PPP2R2A: variants seen among roughly 807,000 people sequenced by gnomAD.
The protein encoded by PPP2R2A is serine/threonine-protein phosphatase 2A 55 kDa regulatory subunit B alpha isoform.
PPP2R2A carries 9 observed loss-of-function variants against 53.2 expected under a neutral mutation model. The observed-to-expected ratio is 0.17, with a 90% CI of 0.10 to 0.30. The LOEUF (loss-of-function observed/expected upper bound fraction) is 0.30. PPP2R2A is among the 10% of genes least tolerant of loss of function. The probability of loss-of-function intolerance (pLI) is 1.00; values close to 1 mark genes in which losing one functional copy is unlikely to be tolerated. For synonymous variants in PPP2R2A, 169 were observed against 174.2 expected (o/e 0.97, Z 0.23); for missense variants, 235 against 534.6 (o/e 0.44, Z 5.53).
At chr8:26,366,247 T>C in intron 8 of PPP2R2A, 68 bp from the exon 9 acceptor site, 2 of 1,309,814 alleles carry the variant, frequency 1.5e-6, no homozygotes, top group Admixed American at 2.0e-5. Context: ...TTTTTTTCTT[T>C]TTAAAGATAT....
chr8:26,366,966 GATAAA>G (rs1252781036), intron 9 of PPP2R2A, among the ~76,000 whole-genome samples: 1 of 152,016 alleles, frequency 6.6e-6, no homozygotes, highest in Non-Finnish European at 1.5e-5. Flanking sequence ...ATTATTTAAA[GATAAA>G]ATAAGTCTTA....
intron 3 of PPP2R2A, among the ~76,000 whole-genome samples, chr8:26,345,439 C>G (rs1402603196): frequency 1.3e-5 from 2 of 152,032 alleles, no homozygotes; most frequent in African/African-American, 4.8e-5. Flanking sequence ...ATAACCCCAC[C>G]AAACAAAAAT....
intron 2 of PPP2R2A, among the ~76,000 whole-genome samples, chr8:26,307,851 G>A (rs540629107): frequency 1.1e-4 from 16 of 152,300 alleles, no homozygotes; most frequent in African/African-American, 3.6e-4. Context: ...TCAAAGTCAC[G>A]TAGTTGGAAA....
intron 4 of PPP2R2A, among the ~76,000 whole-genome samples, chr8:26,356,739 G>C (rs974923479): frequency 6.6e-6 from 1 of 151,898 alleles, no homozygotes; most frequent in East Asian, 1.9e-4. Flanking sequence ...TTTCTTATAG[G>C]GCTACATCAG....
rs1263200250 is a variant in PPP2R2A at position 26,371,576 on chromosome 8, TAGC to T, written c.*1166_*1168del. 1.3e-5 allele frequency: 2 copies of T among 152,200 alleles called. No homozygotes were observed. The highest frequency in any genetic ancestry group is 2.4e-5 in the African/African-American group (1 of 41,458). 9.4% of individuals were successfully genotyped at this position (152,200 alleles called of 1,614,324 possible). On this transcript the variant is annotated 3_prime_UTR_variant, in exon 10 of 10. Transcript: ENST00000380737. ...TTTTTTGTTATTCAGTCATATAAAA[TAGC>T]AGAAAACTAACATCAAGTGACACTG...
intron 2 of PPP2R2A, among the ~76,000 whole-genome samples, chr8:26,313,645 G>A (rs563195814): frequency 3.9e-4 from 59 of 152,252 alleles, no homozygotes; most frequent in African/African-American, 1.4e-3. Flanking sequence ...GGTTATCCTG[G>A]TAGGCTGTAA....
In PPP2R2A at chr8:26,370,251, T is replaced by A. The variant is rs1407357448; in HGVS notation, c.1182T>A (p.Pro394=). Residue 394 remains proline, a synonymous_variant, in exon 10 of 10, where the codon CCT becomes CCA. Coordinates refer to ENST00000380737, the MANE Select transcript of PPP2R2A (RefSeq NM_002717.4). This position sits in a 1 kb window ranked among gnomAD's most constrained non-coding sequence, Gnocchi z 6.1. ...ATAAGCCTCGCACAGTTCTGAAGCC[T>A]CGCAAAGTCTGTGCAAGTGGCAAGC... ...ENNKPRTVLK[P]RKVCASGKRK... is the part of the protein sequence containing the mutation. 7 of 1,614,064 alleles carry A rather than the reference T, an allele frequency of 4.3e-6. No individual in the cohort carries two copies. Among genetic ancestry groups the A allele is most frequent in the Admixed American group, 1.7e-5 (1 of 60,002 alleles).
chr8:26,350,744 T>C (rs1804457869), intron 3 of PPP2R2A: 1 of 152,224 alleles, frequency 6.6e-6, no homozygotes, highest in Admixed American at 6.5e-5. Flanking sequence ...TTGGATGTTA[T>C]CTTTTGGAAG....
intron 2 of PPP2R2A, among the ~76,000 whole-genome samples, chr8:26,322,782 C>T (rs569883267): frequency 2.6e-5 from 4 of 152,268 alleles, no homozygotes; most frequent in East Asian, 3.9e-4. Context: ...AACTTCAGAC[C>T]GTCAGAACGG....
At chr8:26,347,247 G>A (rs1804266972) in intron 3 of PPP2R2A, among the ~76,000 whole-genome samples, 1 of 151,684 alleles carries the variant, frequency 6.6e-6, no homozygotes, top group African/African-American at 2.4e-5. Flanking sequence ...AACTCCTTAA[G>A]GGTCCAGGTT....
chr8:26,315,096 T>G (rs1275777861), intron 2 of PPP2R2A, among the ~76,000 whole-genome samples: 1 of 152,124 alleles, frequency 6.6e-6, no homozygotes, highest in Admixed American at 6.6e-5. Flanking sequence ...ATTAATAGTT[T>G]TTTGGGTTTC....
At chr8:26,293,553 G>A (rs1801405519) in intron 1 of PPP2R2A, 113 bp from the exon 2 acceptor site, 10 of 985,122 alleles carry the variant, frequency 1.0e-5, no homozygotes, top group Non-Finnish European at 1.3e-5. Context: ...GTAGTTGTAT[G>A]TGTGGGCAGA....
chr8:26,323,407 T>C (rs748869534), intron 2 of PPP2R2A, among the ~76,000 whole-genome samples: 1 of 152,164 alleles, frequency 6.6e-6, no homozygotes. Flanking sequence ...TACCTGGAAA[T>C]AGCATCATAT....
At chr8:26,315,889 GTTTCT>G (rs1408286250) in intron 2 of PPP2R2A, among the ~76,000 whole-genome samples, 2 of 152,078 alleles carry the variant, frequency 1.3e-5, no homozygotes, top group Non-Finnish European at 2.9e-5. Flanking sequence ...AATGTTTATA[GTTTCT>G]TTTCATTCAT....
intron 2 of PPP2R2A, among the ~76,000 whole-genome samples, chr8:26,326,924 C>A (rs1438988202): frequency 3.3e-5 from 5 of 152,186 alleles, no homozygotes; most frequent in African/African-American, 1.2e-4. Flanking sequence ...AATGTATTAG[C>A]AGCTGTTTAT....
At chr8:26,336,302 A>G (rs1803654720) in intron 2 of PPP2R2A, among the ~76,000 whole-genome samples, 1 of 152,060 alleles carries the variant, frequency 6.6e-6, no homozygotes, top group African/African-American at 2.4e-5. Context: ...GGTGGTCCGC[A>G]CCTGTAGTCC....
intron 3 of PPP2R2A, among the ~76,000 whole-genome samples, chr8:26,346,286 G>T (rs549693835): frequency 1.2e-4 from 18 of 151,998 alleles, no homozygotes; most frequent in African/African-American, 4.3e-4. Flanking sequence ...GATTACAGAC[G>T]TGCACCACCA....
chr8:26,297,339 C>T (rs2117188625), intron 2 of PPP2R2A, among the ~76,000 whole-genome samples: 1 of 152,230 alleles, frequency 6.6e-6, no homozygotes, highest in East Asian at 1.9e-4. Flanking sequence ...AACTCCTGAC[C>T]TCAAGTGATC....
At chr8:26,336,477 G>T (rs942605837) in intron 2 of PPP2R2A, among the ~76,000 whole-genome samples, 3 of 151,944 alleles carry the variant, frequency 2.0e-5, no homozygotes, top group African/African-American at 7.3e-5. Flanking sequence ...CCACCCCTCA[G>T]TCTCAAATCT....
Sources: gnomAD v4.1 joint callset for allele counts (sites outside exome capture counted in the v4.1 genomes callset) on GRCh38, gnomAD v4.1.1 for gene constraint, Gnocchi (gnomAD v3.1) non-coding constraint, MANE v1.5 for transcripts, NCBI Gene and HGNC (gene_info 2026-07-23, HGNC 2026-07-21) for gene names.